BPTF: variants seen among roughly 807,000 people sequenced by gnomAD.
The protein encoded by BPTF is nucleosome-remodeling factor subunit BPTF.
In BPTF, 18 loss-of-function variants were observed where a neutral mutation model predicts 292.5. That is an observed-to-expected ratio of 0.06 (90% confidence interval 0.04 to 0.09). BPTF has a LOEUF of 0.09. Among genes scored for constraint, BPTF ranks in the 10% least tolerant of loss-of-function variants. The pLI is 1.00. For synonymous variants in BPTF, 1,225 were observed against 1,251.9 expected (o/e 0.98, Z 0.45); for missense variants, 2,726 against 3,498.7 (o/e 0.78, Z 5.57).
intron 23 of BPTF, among the ~76,000 whole-genome samples, chr17:67,949,170 A>G (rs956873855): frequency 6.6e-6 from 1 of 152,216 alleles, no homozygotes; most frequent in African/African-American, 2.4e-5. Context: ...GTTCAAGATC[A>G]GCCTAGGCAA....
chr17:67,962,373 G>A (rs2067597674), intron 24 of BPTF, among the ~76,000 whole-genome samples: 1 of 152,176 alleles, frequency 6.6e-6, no homozygotes, highest in Admixed American at 6.5e-5. Flanking sequence ...TTCCTACACA[G>A]TGCCTATCAA....
chr17:67,827,824 CG>C (rs899635550), intron 1 of BPTF, among the ~76,000 whole-genome samples: 2 of 152,028 alleles, frequency 1.3e-5, no homozygotes, highest in Non-Finnish European at 2.9e-5. Context: ...CAGTCTTGTC[CG>C]GGGCAGGCTG....
intron 6 of BPTF, 36 bp from the exon 7 acceptor site, chr17:67,893,998 A>C (rs777097205): frequency 6.2e-7 from 1 of 1,604,972 alleles, no homozygotes; most frequent in East Asian, 2.2e-5. Context: ...AGGTCAACCT[A>C]GTGAAATAAT....
rs140900888 is a variant in BPTF at position 67,945,697 on chromosome 17, A to G, written c.6989A>G (p.Gln2330Arg). Residue 2330 changes from glutamine (Q) to arginine (R), a missense_variant, in exon 21 of 28, where the codon CAG becomes CGG. Gln to Arg is a conservative substitution (Grantham distance 43, BLOSUM62 1). Around this residue, in one of 22 missense-constraint regions of BPTF, gnomAD observed 570 missense variants for 633.5 expected, o/e 0.90. Transcript: ENST00000306378. The part of the protein sequence containing the change: ...SSKPQVAAQS[Q>R]PQSNVQGQSP... ...AAGCCCCAAGTTGCAGCACAGTCTC[A>G]GCCTCAAAGTAATGTCCAAGGACAG... is the stretch of plus-strand genomic sequence containing the variant. 26 of 1,614,156 alleles carry G rather than the reference A, an allele frequency of 1.6e-5. No individual in the cohort carries two copies. The highest frequency in any genetic ancestry group is 2.2e-5 in the Non-Finnish European group (26 of 1,180,030).
chr17:67,897,376 AGAAAG>A (rs1303289367), intron 7 of BPTF, among the ~76,000 whole-genome samples: 34 of 150,378 alleles, frequency 2.3e-4, no homozygotes, highest in Middle Eastern at 6.9e-3. Flanking sequence ...AAAAAAGTAA[AGAAAG>A]AGACATACTA....
At chr17:67,875,857 T>G in intron 4 of BPTF, 1 of 902,814 alleles carries the variant, frequency 1.1e-6, no homozygotes, top group Non-Finnish European at 1.5e-6. Flanking sequence ...TGCTGCTTGC[T>G]TACAGTGCCA....
At chr17:67,897,307 C>T (rs2061511569) in intron 7 of BPTF, among the ~76,000 whole-genome samples, 2 of 131,160 alleles carry the variant, frequency 1.5e-5, no homozygotes, top group East Asian at 4.6e-4. Context: ...TGCCATTGCA[C>T]TCCAGCCTAG....
At chr17:67,901,808 T>C (rs9902521) in intron 7 of BPTF, among the ~76,000 whole-genome samples, 17,957 of 151,970 alleles carry the variant, frequency 0.12, 3,519 homozygotes, top group African/African-American at 0.41. Context: ...TTCTGAAGAG[T>C]AGTTTGACCC....
intron 23 of BPTF, chr17:67,957,086 C>G (rs2067024058): frequency 6.6e-6 from 1 of 151,932 alleles, no homozygotes; most frequent in Non-Finnish European, 1.5e-5. Flanking sequence ...AGTTCGAGAC[C>G]AGCCTGACCA....
At position 67,856,073 on chromosome 17, in the gene BPTF, C is replaced by G. The variant is rs572895322; in HGVS notation, c.1436+1311C>G. On this transcript the variant is annotated intron_variant, in intron 2 of 27. Transcript: ENST00000306378. ...CTCTTGACAACTTCCTCTTTTCCCT[C>G]TTGTATTTATCTTGAGCTATGATTT... Among the ~76,000 whole-genome samples, 3 of 152,308 alleles carry G rather than the reference C, an allele frequency of 2.0e-5. No individual in the cohort carries two copies. In the East Asian group the frequency reaches 5.8e-4, roughly 29 times the overall value.
chr17:67,907,930 T>G (rs1298254009), intron 9 of BPTF, among the ~76,000 whole-genome samples: 1 of 152,178 alleles, frequency 6.6e-6, no homozygotes, highest in Non-Finnish European at 1.5e-5. Context: ...TTGCCTTTGA[T>G]CCTTTTTTTC....
intron 5 of BPTF, among the ~76,000 whole-genome samples, 189 bp downstream of exon 5, chr17:67,892,223 C>T (rs918932909): frequency 5.6e-4 from 86 of 152,304 alleles, no homozygotes; most frequent in African/African-American, 2.0e-3. Flanking sequence ...TAGTTGCGTA[C>T]CCAAATTTCA....
chr17:67,871,559 T>C (rs1431490152), intron 3 of BPTF, among the ~76,000 whole-genome samples: 1 of 152,148 alleles, frequency 6.6e-6, no homozygotes, highest in African/African-American at 2.4e-5. Context: ...CCTATGCCTG[T>C]ATGGTAATTA....
intron 23 of BPTF, among the ~76,000 whole-genome samples, chr17:67,953,344 C>G (rs1555679324): frequency 6.6e-6 from 1 of 151,528 alleles, no homozygotes; most frequent in Non-Finnish European, 1.5e-5. Context: ...CAACCTCCTC[C>G]TCCCAGTTTC....
chr17:67,875,415 C>A, intron 4 of BPTF: 2 of 494,776 alleles, frequency 4.0e-6, no homozygotes, highest in Non-Finnish European at 3.5e-6. Context: ...GCAGCAATAT[C>A]CGAGAATCTA....
At chr17:67,930,954 CAAA>C (rs955723224) in intron 17 of BPTF, among the ~76,000 whole-genome samples, 1 of 132,288 alleles carries the variant, frequency 7.6e-6, no homozygotes. Flanking sequence ...GACTCTGTCT[CAAA>C]AAAAAAAAAA....
In BPTF at chr17:67,909,593, A is replaced by G. The variant is rs770378445; in HGVS notation, c.2824A>G (p.Met942Val). The change falls in exon 10 of 28, where the codon ATG becomes GTG. Residue 942 changes from methionine (M) to valine (V), a missense_variant. Physicochemically the swap from Met to Val is conservative, Grantham distance 21 (BLOSUM62 1). Around this residue, in one of 22 missense-constraint regions of BPTF, gnomAD observed 713 missense variants for 714.9 expected, o/e 1.00. Transcript: ENST00000306378. Reference sequence around the variant, plus strand: ...ATGGTTCTTTTTAGCCAAAAATAATATGGATGAAAATATGGATGAGTCAGA... The same window carrying G: ...ATGGTTCTTTTTAGCCAAAAATAATGTGGATGAAAATATGGATGAGTCAGA... ...RKSLEGTKNNMDENMDESDKR... is the reference protein window; with the variant it reads ...RKSLEGTKNNVDENMDESDKR... 9.7e-6 allele frequency: 15 copies of G among 1,552,570 alleles called. No homozygotes were observed. Among genetic ancestry groups the G allele is most frequent in the Admixed American group, 2.1e-5 (1 of 48,660 alleles).
chr17:67,939,560 A>G (rs2065197012), intron 18 of BPTF, among the ~76,000 whole-genome samples: 1 of 152,204 alleles, frequency 6.6e-6, no homozygotes, highest in Non-Finnish European at 1.5e-5. Context: ...CATTCAATAG[A>G]CATTTATTGA....
intron 27 of BPTF, among the ~76,000 whole-genome samples, chr17:67,979,506 T>C: frequency 6.6e-6 from 1 of 152,076 alleles, no homozygotes; most frequent in East Asian, 1.9e-4. Flanking sequence ...ACCGCGCCAC[T>C]GCACTCCAGC....
Sources: gnomAD v4.1 joint callset for allele counts (sites outside exome capture counted in the v4.1 genomes callset) on GRCh38, gnomAD v4.1.1 for gene constraint, gnomAD v4.1.1 regional missense constraint, MANE v1.5 for transcripts, NCBI Gene and HGNC (gene_info 2026-07-23, HGNC 2026-07-21) for gene names.